CBY1: variants seen among roughly 807,000 people sequenced by gnomAD.
The protein encoded by CBY1 is protein chibby homolog 1.
In CBY1, 10 loss-of-function variants were observed where a neutral mutation model predicts 15.6. The ratio of observed to expected loss-of-function variants is 0.64; its 90% confidence interval spans 0.40 to 1.09. The LOEUF is 1.09. CBY1 is among the 50% of genes least tolerant of loss of function. The pLI, the probability that CBY1 is intolerant of heterozygous loss-of-function variation, is 0.01. For synonymous variants in CBY1, 61 were observed against 63.5 expected, an observed-to-expected ratio of 0.96 and a Z score of 0.19; for missense variants, 150 against 160.5, an observed-to-expected ratio of 0.93 and a Z score of 0.35.
At chr22:38,661,251 G>A (rs531860525) in intron 1 of CBY1, among the ~76,000 whole-genome samples, 1 of 152,276 alleles carries the variant, frequency 6.6e-6, no homozygotes, top group South Asian at 2.1e-4. Flanking sequence ...TCGGCTCACC[G>A]CAACCTCCGC....
At chr22:38,658,399 C>T (rs1035594096) in intron 1 of CBY1, among the ~76,000 whole-genome samples, 9 of 152,084 alleles carry the variant, frequency 5.9e-5, no homozygotes, top group African/African-American at 9.7e-5. Context: ...GCTGGGATTA[C>T]AGGCATAAGC....
chr22:38,667,756 G>A, intron 1 of CBY1: 1 of 375,466 alleles, frequency 2.7e-6, no homozygotes. Context: ...TTTGCCAGGA[G>A]CCCACGCCAG....
intron 1 of CBY1, among the ~76,000 whole-genome samples, chr22:38,660,545 AG>A (rs770027976): frequency 3.3e-5 from 5 of 152,052 alleles, no homozygotes; most frequent in Non-Finnish European, 5.9e-5. Flanking sequence ...TACAAGGATA[AG>A]TATATACATG....
chr22:38,668,506 GA>G (rs886348913), intron 2 of CBY1: 15 of 167,030 alleles, frequency 9.0e-5, no homozygotes, highest in Non-Finnish European at 1.7e-4. Context: ...GAGTAGCTGG[GA>G]TTACAACTGC....
At chr22:38,658,129 A>AT (rs919827780) in intron 1 of CBY1, among the ~76,000 whole-genome samples, 54 of 146,558 alleles carry the variant, frequency 3.7e-4, no homozygotes, top group African/African-American at 1.0e-3. Flanking sequence ...TTTCTTTTCT[A>AT]TTTTTTTTTT....
intron 1 of CBY1, among the ~76,000 whole-genome samples, chr22:38,657,693 C>T (rs968283849): frequency 6.6e-6 from 1 of 152,164 alleles, no homozygotes; most frequent in African/African-American, 2.4e-5. Context: ...GAGTAAGGTG[C>T]CCAGTTAAAG....
In CBY1 at chr22:38,671,007, C is replaced by T; in HGVS notation, c.184+18C>T. 1 of 1,612,126 alleles carries T rather than the reference C, an allele frequency of 6.2e-7. No individual in the cohort carries two copies. Among genetic ancestry groups the T allele is most frequent in the East Asian group, 2.2e-5 (1 of 44,876 alleles). On this transcript the variant is annotated intron_variant, in intron 3 of 4. Coordinates refer to ENST00000216029, the MANE Select transcript of CBY1 (RefSeq NM_015373.4). ...GATAGCAGGTGAGCTGCACTTCCTG[C>T]CATTTTGTCAAACAAGATTGTAGGA...
intron 1 of CBY1, among the ~76,000 whole-genome samples, chr22:38,658,561 C>T (rs1043226186): frequency 2.0e-5 from 3 of 150,564 alleles, no homozygotes; most frequent in Non-Finnish European, 4.4e-5. Flanking sequence ...CCTGGGTTCA[C>T]ACCATTGTCC....
chr22:38,670,841 G>A (rs1233581447), intron 2 of CBY1, 43 bp from the exon 3 acceptor site: 1 of 1,369,600 alleles, frequency 7.3e-7, no homozygotes, highest in Non-Finnish European at 1.0e-6. Context: ...ATGAAGGCGT[G>A]TTCCGGGCCT....
In CBY1 at chr22:38,664,881, T is replaced by C. The variant is rs35871184; in HGVS notation, c.-38-3136T>C. 2.2e-3 allele frequency among the ~76,000 whole-genome samples: 330 copies of C among 152,296 alleles called. 1 individual carries two copies. Among genetic ancestry groups the C allele is most frequent in the Non-Finnish European group, 3.4e-3 (234 of 68,006 alleles). The stretch of plus-strand genomic sequence containing the variant: ...TTTCTTGAGACAGGGTCTTGCTCTG[T>C]TGCCCAGACTGAAGTGTGCAGTGGT... On this transcript the variant is annotated intron_variant, in intron 1 of 4. Transcript: ENST00000216029.
At chr22:38,666,703 T>C (rs2092437298) in intron 1 of CBY1, 1 of 151,524 alleles carries the variant, frequency 6.6e-6, no homozygotes, top group Non-Finnish European at 1.5e-5. Flanking sequence ...TATTTATTTA[T>C]TTTTTTAATT....
chr22:38,663,522 C>T (rs914893126), intron 1 of CBY1, among the ~76,000 whole-genome samples: 6 of 150,780 alleles, frequency 4.0e-5, no homozygotes, highest in Admixed American at 6.6e-5. Context: ...ATAGAGAAAC[C>T]CTGTCTCTAC....
intron 1 of CBY1, among the ~76,000 whole-genome samples, chr22:38,662,851 A>G (rs2092425790): frequency 6.6e-6 from 1 of 152,184 alleles, no homozygotes; most frequent in Admixed American, 6.5e-5. Flanking sequence ...TTAAGAAATA[A>G]TAATAAATTG....
rs1006463315 is a variant in CBY1, at chr22:38,670,997, G to A, written c.184+8G>A. Reference sequence around the variant, plus strand: ...ATGGCCAGTGGATAGCAGGTGAGCTGCACTTCCTGCCATTTTGTCAAACAA... The same window carrying A: ...ATGGCCAGTGGATAGCAGGTGAGCTACACTTCCTGCCATTTTGTCAAACAA... On this transcript the variant is annotated splice_region_variant and intron_variant, in intron 3 of 4. Transcript: ENST00000216029. The A allele has an allele frequency of 1.2e-6, 2 of 1,611,742 alleles. No homozygotes were observed. The highest frequency in any genetic ancestry group is 2.7e-5 in the African/African-American group (2 of 74,918).
intron 2 of CBY1, 135 bp downstream of exon 2, chr22:38,668,267 G>A (rs1409646427): frequency 7.0e-6 from 4 of 573,332 alleles, no homozygotes; most frequent in South Asian, 4.6e-5. Flanking sequence ...TTGCTATTGC[G>A]GAAAACATTT....
intron 1 of CBY1, chr22:38,665,718 T>C (rs925339239): frequency 1.6e-6 from 2 of 1,229,922 alleles, no homozygotes; most frequent in Non-Finnish European, 2.0e-6. Flanking sequence ...ATGCTCTGTA[T>C]CCCAATCTGG....
rs576013803 is a variant in CBY1 at position 38,657,172 on chromosome 22, C to T, written c.-39+422C>T. On this transcript the variant is annotated intron_variant, in intron 1 of 4. Coordinates refer to ENST00000216029, the MANE Select transcript of CBY1 (RefSeq NM_015373.4). The stretch of plus-strand genomic sequence containing the variant: ...AGATAATATATTTTATGGCCTGTTG[C>T]AAACGGAAAACCTTTACACAATGAT... The T allele has an allele frequency of 2.2e-5, 20 of 913,924 alleles. No homozygotes were observed. In the East Asian group the frequency reaches 1.8e-3, roughly 80 times the overall value. The allele number at this position is 913,924 out of a possible 1,614,324, so 56.6% of individuals were successfully genotyped here.
intron 4 of CBY1, chr22:38,671,427 G>A: frequency 4.1e-6 from 2 of 484,864 alleles, no homozygotes; most frequent in Non-Finnish European, 7.4e-6. Flanking sequence ...GATCTGCACA[G>A]CACACGAGGG....
At position 38,673,223 on chromosome 22, in the gene CBY1, G is replaced by A. The variant is rs776558598; in HGVS notation, c.368G>A (p.Arg123Gln). The A allele has an allele frequency of 7.5e-6, 12 of 1,610,348 alleles. No homozygotes were observed. The highest frequency in any genetic ancestry group is 1.7e-5 in the Admixed American group (1 of 59,970). ...EKELDELRIS[R>Q]KRK ...GAACTGGATGAACTGAGGATCAGCCGGAAGAGAAAATGAAGACCCCAGAGA... is the reference window on the plus strand; with the variant it reads ...GAACTGGATGAACTGAGGATCAGCCAGAAGAGAAAATGAAGACCCCAGAGA... Residue 123 changes from arginine (R) to glutamine (Q), a missense_variant, in exon 5 of 5, where the codon CGG becomes CAG. Arg to Gln is a conservative substitution (Grantham distance 43). Transcript: ENST00000216029.
Sources: gnomAD v4.1 joint callset for allele counts (sites outside exome capture counted in the v4.1 genomes callset) on GRCh38, gnomAD v4.1.1 for gene constraint, MANE v1.5 for transcripts, NCBI Gene and HGNC (gene_info 2026-07-23, HGNC 2026-07-21) for gene names.